CIB1: variants seen among roughly 807,000 people sequenced by gnomAD.
The protein encoded by CIB1 is calcium and integrin binding 1, also known as calcium and integrin-binding protein 1.
CIB1 carries 19 observed loss-of-function variants against 25.0 expected under a neutral mutation model. The ratio of observed to expected loss-of-function variants is 0.76; its 90% CI spans 0.53 to 1.12. CIB1 has a LOEUF of 1.12. CIB1 is among the 50% of genes most tolerant of loss of function. CIB1 has a pLI of 0.00. For missense variants in CIB1, 236 were observed against 242.6 expected (o/e 0.97, Z 0.18); for synonymous variants, 104 against 98.5 (o/e 1.06, Z -0.33).
At position 90,233,828 on chromosome 15, in the gene CIB1, C is replaced by A; in HGVS notation, c.51+7G>T. The A allele has an allele frequency of 6.5e-7, 1 of 1,543,764 alleles. No individual in the cohort carries two copies. Among genetic ancestry groups the A allele is most frequent in the Non-Finnish European group, 8.7e-7 (1 of 1,143,980 alleles). On this transcript the variant is annotated splice_region_variant and intron_variant, in intron 1 of 6. Transcript: ENST00000328649. ...GCGAGCTCCCCAGGGCCAGGCGTCC[C>A]GCGCACCTGGTACTCGGCCAGCAGC...
chr15:90,259,329 G>A, the CIB1 span, among the ~76,000 whole-genome samples: 2 of 152,036 alleles, frequency 1.3e-5, no homozygotes, highest in Non-Finnish European at 2.9e-5. Context: ...GGTCAAGCCT[G>A]CAGTGAGCCA....
chr15:90,233,700 A>T lies in CIB1; in HGVS notation c.55T>A (p.Leu19Met), dbSNP rs1162892167. 6.3e-7 allele frequency: 1 copy of T among 1,575,106 alleles called. No individual in the cohort carries two copies. Among genetic ancestry groups the T allele is most frequent in the East Asian group, 2.3e-5 (1 of 42,860 alleles). The change falls in exon 2 of 7, where the codon TTG becomes ATG. Residue 19 changes from leucine (L) to methionine (M), a missense_variant. Physicochemically the swap from Leu to Met is conservative, Grantham distance 15. Transcript: ENST00000328649. ...ATCTCCTGCTTCGTCAGGAACGTCAAGTCCTGGAAGGCAAAGCCAGAGCGG... is the reference window on the plus strand; with the variant it reads ...ATCTCCTGCTTCGTCAGGAACGTCATGTCCTGGAAGGCAAAGCCAGAGCGG... ...SKELLAEYQD[L>M]TFLTKQEILL...
chr15:90,250,573 G>A, the CIB1 span: 5 of 1,559,166 alleles, frequency 3.2e-6, no homozygotes, highest in Non-Finnish European at 4.3e-6. Flanking sequence ...GCCTGAGGGA[G>A]GTCTGAGGTC....
the CIB1 span, chr15:90,242,425 C>CTCTT: frequency 2.0e-5 from 2 of 100,584 alleles, no homozygotes; most frequent in African/African-American, 7.2e-5. Context: ...GGATTCTTTT[C>CTCTT]TGTTTCTTTT....
chr15:90,244,879 A>G, the CIB1 span: 17 of 151,860 alleles, frequency 1.1e-4, no homozygotes, highest in African/African-American at 3.6e-4. Context: ...CACCGCCACC[A>G]CTCCTTCATC....
chr15:90,257,382 G>T, the CIB1 span: 6 of 1,477,270 alleles, frequency 4.1e-6, no homozygotes, highest in Non-Finnish European at 5.4e-6. Context: ...CAAAGAACAA[G>T]GAATGAAGCC....
At chr15:90,241,483 C>T in the CIB1 span, 4 of 1,613,794 alleles carry the variant, frequency 2.5e-6, no homozygotes, top group East Asian at 2.2e-5. Context: ...GGGATTGAGG[C>T]TGTGCTGCTG....
the CIB1 span, chr15:90,241,819 C>T: frequency 1.2e-6 from 2 of 1,614,140 alleles, no homozygotes; most frequent in Non-Finnish European, 1.7e-6. Flanking sequence ...TCACCTTCCT[C>T]AGCCCTCACA....
the CIB1 span, chr15:90,258,392 G>A: frequency 5.3e-5 from 45 of 849,618 alleles, no homozygotes; most frequent in South Asian, 6.5e-4. Flanking sequence ...GCCCTGGGGT[G>A]GGCAGGAATG....
At chr15:90,243,702 G>A in the CIB1 span, 4 of 141,694 alleles carry the variant, frequency 2.8e-5, no homozygotes, top group Non-Finnish European at 4.5e-5. Flanking sequence ...AGGCTGGAGT[G>A]CAGTGGTATG....
At chr15:90,263,163 G>A in the CIB1 span, 1 of 1,512,146 alleles carries the variant, frequency 6.6e-7, no homozygotes, top group Non-Finnish European at 8.8e-7. Flanking sequence ...TCCCTGTGAA[G>A]TCTCCCAGAG....
At chr15:90,256,085 C>T in the CIB1 span, 2 of 1,594,984 alleles carry the variant, frequency 1.3e-6, no homozygotes, top group South Asian at 2.3e-5. Flanking sequence ...CTCCATGCGG[C>T]CCCGGGAAAG....
the CIB1 span, among the ~76,000 whole-genome samples, chr15:90,247,106 G>A: frequency 6.6e-6 from 1 of 151,662 alleles, no homozygotes; most frequent in Non-Finnish European, 1.5e-5. Context: ...CTCCTGAATA[G>A]CTGAGACTAC....
At chr15:90,256,591 TTC>T in the CIB1 span, among the ~76,000 whole-genome samples, 61 of 38,650 alleles carry the variant, frequency 1.6e-3, no homozygotes, top group Admixed American at 2.4e-3. Flanking sequence ...CTTTCTTTCT[TTC>T]TTTCTTTCTT....
At chr15:90,233,530 C>G in intron 2 of CIB1, 139 bp downstream of exon 2, 1 of 1,133,238 alleles carries the variant, frequency 8.8e-7, no homozygotes. Flanking sequence ...AGGGCGCAGC[C>G]CGGGCTAGGT....
At chr15:90,241,190 C>T in the CIB1 span, 8 of 1,614,038 alleles carry the variant, frequency 5.0e-6, no homozygotes, top group East Asian at 4.5e-5. Context: ...CTGTGGGTTT[C>T]GTGGCTCAGC....
chr15:90,241,344 G>A, the CIB1 span: 2 of 1,614,204 alleles, frequency 1.2e-6, no homozygotes, highest in Admixed American at 1.7e-5. Context: ...TGATCTCCCT[G>A]GGACTCTGCT....
chr15:90,258,680 G>A, the CIB1 span: 1 of 1,410,732 alleles, frequency 7.1e-7, no homozygotes, highest in Non-Finnish European at 1.0e-6. Flanking sequence ...GTTAATGCCT[G>A]CAAGAGGCCA....
At chr15:90,243,640 GTTTTTTT>G in the CIB1 span, 77 of 99,448 alleles carry the variant, frequency 7.7e-4, no homozygotes, top group East Asian at 5.5e-3. Context: ...CTTGGTGCAG[GTTTTTTT>G]TTTTTTTTTT....
Sources: gnomAD v4.1 joint callset for allele counts (sites outside exome capture counted in the v4.1 genomes callset) on GRCh38, gnomAD v4.1.1 for gene constraint, MANE v1.5 for transcripts, NCBI Gene and HGNC (gene_info 2026-07-23, HGNC 2026-07-21) for gene names.